FAM227B: variants seen among roughly 807,000 people sequenced by gnomAD.
FAM227B encodes the protein protein FAM227B.
Under a neutral mutation model 73.8 loss-of-function variants are expected in FAM227B, and 88 were observed. The observed-to-expected ratio is 1.19, with a 90% confidence interval of 1.00 to 1.42. The LOEUF (loss-of-function observed/expected upper bound fraction) is 1.42, where lower values mean the gene tolerates loss of function less well. FAM227B is among the 40% of genes most tolerant of loss of function. The pLI, the probability that FAM227B is intolerant of heterozygous loss-of-function variation, is 0.00. For missense variants in FAM227B, 632 were observed against 590.9 expected, an observed-to-expected ratio of 1.07 and a Z score of -0.72; for synonymous variants, 210 against 190.5, an observed-to-expected ratio of 1.10 and a Z score of -0.84.
intron 9 of FAM227B, among the ~76,000 whole-genome samples, chr15:49,566,399 G>A (rs1238562686): frequency 6.6e-6 from 1 of 152,144 alleles, no homozygotes; most frequent in East Asian, 1.9e-4. Context: ...CCTGCCTTCA[G>A]GAGATGAAGG....
chr15:49,446,858 G>A (rs2052266523), intron 11 of FAM227B, among the ~76,000 whole-genome samples: 1 of 151,534 alleles, frequency 6.6e-6, no homozygotes, highest in Admixed American at 6.6e-5. Context: ...GATACAAGCA[G>A]GGGGAGAAGT....
intron 10 of FAM227B, among the ~76,000 whole-genome samples, chr15:49,538,582 A>AG (rs1439287791): frequency 1.3e-5 from 2 of 152,124 alleles, no homozygotes; most frequent in Admixed American, 6.6e-5. Context: ...TTCATCTGAA[A>AG]AGGTTGCAAT....
At chr15:49,348,019 C>CAAAAAAAA (rs67614443) in intron 13 of FAM227B, among the ~76,000 whole-genome samples, 2 of 70,100 alleles carry the variant, frequency 2.9e-5, no homozygotes, top group African/African-American at 5.7e-5. Flanking sequence ...AACTCTGTCT[C>CAAAAAAAA]AAAAAAAAAA....
chr15:49,355,698 T>C (rs1179164106), intron 13 of FAM227B, among the ~76,000 whole-genome samples: 20 of 151,186 alleles, frequency 1.3e-4, no homozygotes, highest in African/African-American at 3.9e-4. Flanking sequence ...TTCCCCAATC[T>C]AGCAAGGCAG....
intron 3 of FAM227B, among the ~76,000 whole-genome samples, chr15:49,597,448 C>T (rs1235350146): frequency 6.6e-6 from 1 of 151,866 alleles, no homozygotes; most frequent in Non-Finnish European, 1.5e-5. Context: ...CCTATCAAAA[C>T]CTCTAAGGTA....
chr15:49,431,523 A>T (rs1368432213), intron 11 of FAM227B, among the ~76,000 whole-genome samples: 1 of 151,736 alleles, frequency 6.6e-6, no homozygotes. Flanking sequence ...AGGCAACATC[A>T]TTCTCAGAGG....
At chr15:49,498,594 G>A (rs1031549916) in intron 11 of FAM227B, among the ~76,000 whole-genome samples, 2 of 152,200 alleles carry the variant, frequency 1.3e-5, no homozygotes, top group South Asian at 4.1e-4. Context: ...TTTAGCGTCA[G>A]ATATAAAAAG....
intron 12 of FAM227B, among the ~76,000 whole-genome samples, chr15:49,368,959 T>G (rs948736119): frequency 8.6e-5 from 13 of 151,994 alleles, no homozygotes; most frequent in African/African-American, 2.9e-4. Context: ...TTTGTTTTGT[T>G]TTTGTTTGTT....
At chr15:49,602,132 T>C (rs1354250357) in intron 3 of FAM227B, among the ~76,000 whole-genome samples, 2 of 152,206 alleles carry the variant, frequency 1.3e-5, no homozygotes, top group African/African-American at 4.8e-5. Context: ...TTTGACATAC[T>C]GATTTTTTTT....
At position 49,516,277 on chromosome 15, in the gene FAM227B, A is replaced by G. The variant is rs190758725; in HGVS notation, c.875-7929T>C. Among the ~76,000 whole-genome samples, 337 of 152,170 alleles carry G rather than the reference A, an allele frequency of 2.2e-3. 2 individuals carry two copies. Among genetic ancestry groups the G allele is most frequent in the African/African-American group, 7.8e-3 (323 of 41,530 alleles). The stretch of plus-strand genomic sequence containing the variant: ...TTTCTTATGAGGTCCATGGTGTAAA[A>G]CATAAATGTAGGGCAACTTCTCTTT... On this transcript the variant is annotated intron_variant, in intron 10 of 15. Transcript: ENST00000299338.
At chr15:49,355,911 C>G (rs973403952) in intron 13 of FAM227B, among the ~76,000 whole-genome samples, 10 of 151,884 alleles carry the variant, frequency 6.6e-5, no homozygotes, top group Non-Finnish European at 1.2e-4. Context: ...ACCCTACAAG[C>G]CAGAAGAGAG....
At chr15:49,451,018 A>G (rs994890270) in intron 11 of FAM227B, among the ~76,000 whole-genome samples, 1 of 152,118 alleles carries the variant, frequency 6.6e-6, no homozygotes, top group Admixed American at 6.6e-5. Context: ...GTGGGGAAAT[A>G]TATGTCTAAA....
At chr15:49,328,796 A>C in intron 15 of FAM227B, 121 bp from the exon 16 acceptor site, 1 of 1,424,382 alleles carries the variant, frequency 7.0e-7, no homozygotes, top group East Asian at 2.5e-5. Context: ...TTTTGACAAA[A>C]GGAGGATACA....
chr15:49,423,793 A>G (rs2049891385), intron 11 of FAM227B, among the ~76,000 whole-genome samples: 1 of 152,132 alleles, frequency 6.6e-6, no homozygotes, highest in South Asian at 2.1e-4. Flanking sequence ...CAAAATAGCA[A>G]TTGGAATGAA....
intron 10 of FAM227B, among the ~76,000 whole-genome samples, chr15:49,529,275 C>T (rs1456840776): frequency 2.0e-5 from 3 of 151,164 alleles, no homozygotes; most frequent in East Asian, 3.9e-4. Context: ...ACAATGGGTA[C>T]ACATGGATAT....
chr15:49,556,330 A>G (rs1158794172), intron 9 of FAM227B, among the ~76,000 whole-genome samples: 2 of 152,184 alleles, frequency 1.3e-5, no homozygotes, highest in African/African-American at 2.4e-5. Context: ...GAAAGAAATT[A>G]GAAGGCTATA....
chr15:49,460,976 C>T (rs1194797865), intron 11 of FAM227B, among the ~76,000 whole-genome samples: 1 of 152,200 alleles, frequency 6.6e-6, no homozygotes, highest in African/African-American at 2.4e-5. Flanking sequence ...TAGCTGGCAT[C>T]CATGTAGACC....
chr15:49,507,137 C>G (rs560100370), intron 11 of FAM227B, among the ~76,000 whole-genome samples: 1 of 151,486 alleles, frequency 6.6e-6, no homozygotes, highest in East Asian at 2.0e-4. Flanking sequence ...CTGAGGATGA[C>G]AGCAAACAAG....
chr15:49,543,578 C>G lies in FAM227B; in HGVS notation c.748-1772G>C, dbSNP rs183501063. Among the ~76,000 whole-genome samples, 18 of 152,172 alleles carry G rather than the reference C, an allele frequency of 1.2e-4. No homozygotes were observed. The East Asian group carries it at 3.1e-3, about 26-fold the overall frequency. On this transcript the variant is annotated intron_variant, in intron 9 of 15. Transcript: ENST00000299338. ...GGTTTTTTGGTCATGAACTCTTTGC[C>G]TAAAGCAATGTCTAGAAGAGTTTTT...
Sources: gnomAD v4.1 joint callset for allele counts (sites outside exome capture counted in the v4.1 genomes callset) on GRCh38, gnomAD v4.1.1 for gene constraint, MANE v1.5 for transcripts, NCBI Gene and HGNC (gene_info 2026-07-23, HGNC 2026-07-21) for gene names.